Variants in CLUL1 observed in about 807,000 individuals in gnomAD.
CLUL1 encodes clusterin-like protein 1.
Under a neutral mutation model 49.4 loss-of-function variants are expected in CLUL1, and 43 were observed. The observed-to-expected ratio is 0.87, with a 90% confidence interval of 0.68 to 1.12. The LOEUF (loss-of-function observed/expected upper bound fraction) is 1.12, where lower values mean the gene tolerates loss of function less well. CLUL1 is among the 50% of genes most tolerant of loss of function. The pLI, the probability that CLUL1 is intolerant of heterozygous loss-of-function variation, is 0.00. For synonymous variants in CLUL1, 192 were observed against 184.9 expected, an observed-to-expected ratio of 1.04 and a Z score of -0.31; for missense variants, 486 against 544.4, an observed-to-expected ratio of 0.89 and a Z score of 1.07.
rs567619263 is a variant in CLUL1, at chr18:609,584, G to A, written c.-14+2485G>A. Among the ~76,000 whole-genome samples the A allele has an allele frequency of 1.8e-4, 27 of 152,180 alleles. No homozygotes were observed. The South Asian group carries it at 5.4e-3, about 30-fold the overall frequency. On this transcript the variant is annotated intron_variant, in intron 2 of 9. Coordinates refer to ENST00000692774, the MANE Select transcript of CLUL1 (RefSeq NM_001393344.1). The stretch of plus-strand genomic sequence containing the variant: ...CATGGCTGCAATCCCATCACTTTAG[G>A]AGGCCAAAGCAGGTGGGTCATTTGA...
intron 7 of CLUL1, among the ~76,000 whole-genome samples, chr18:637,001 T>C (rs904714911): frequency 6.6e-6 from 1 of 151,592 alleles, no homozygotes; most frequent in East Asian, 1.9e-4. Context: ...TTTTTGTTTT[T>C]TTTGAGACGG....
At chr18:597,748 C>T (rs1238949210) in intron 1 of CLUL1, 1 of 152,120 alleles carries the variant, frequency 6.6e-6, no homozygotes, top group African/African-American at 2.4e-5. Flanking sequence ...AAAAGAATCA[C>T]TCTGAAAACG....
At chr18:617,581 G>A (rs910045319) in intron 2 of CLUL1, among the ~76,000 whole-genome samples, 2 of 89,230 alleles carry the variant, frequency 2.2e-5, no homozygotes, top group African/African-American at 8.3e-5. Flanking sequence ...GGCAACAAGA[G>A]CAAAACTCCG....
intron 1 of CLUL1, among the ~76,000 whole-genome samples, chr18:598,929 A>G (rs1240548323): frequency 2.6e-5 from 4 of 152,188 alleles, no homozygotes; most frequent in Non-Finnish European, 4.4e-5. Flanking sequence ...AAATATGTCC[A>G]TTGTTGTCTG....
At chr18:630,407 C>A (rs1243777960) in intron 6 of CLUL1, among the ~76,000 whole-genome samples, 1 of 152,164 alleles carries the variant, frequency 6.6e-6, no homozygotes, top group East Asian at 1.9e-4. Flanking sequence ...TCATGCCCGG[C>A]CTCAACTGAT....
In CLUL1 at chr18:606,971, T is replaced by C. The variant is rs1598409635; in HGVS notation, c.-135-7T>C. On this transcript the variant is annotated splice_polypyrimidine_tract_variant and splice_region_variant and intron_variant, in intron 1 of 9. Coordinates refer to ENST00000692774, the MANE Select transcript of CLUL1 (RefSeq NM_001393344.1). The surrounding 1 kb of genome is among the most constrained non-coding windows in gnomAD (Gnocchi z 4.1). ...ATTTCTTTTCTTTTTTCTTTTCTTTTCTTTAGAGTTGCGTCCCTCTCGGTT... is the reference window on the plus strand; with the variant it reads ...ATTTCTTTTCTTTTTTCTTTTCTTTCCTTTAGAGTTGCGTCCCTCTCGGTT... 1.9e-5 allele frequency: 12 copies of C among 629,414 alleles called. No individual in the cohort carries two copies. The East Asian group carries it at 3.3e-4, about 17-fold the overall frequency. The allele number at this position is 629,414 out of a possible 1,614,324, so 39.0% of individuals were successfully genotyped here.
At chr18:630,542 G>A (rs997102990) in intron 6 of CLUL1, among the ~76,000 whole-genome samples, 12 of 152,108 alleles carry the variant, frequency 7.9e-5, no homozygotes, top group South Asian at 2.1e-4. Flanking sequence ...GACTTGGCTC[G>A]ACTTTGACGA....
At position 627,381 on chromosome 18, in the gene CLUL1, G is replaced by A. The variant is rs548196095; in HGVS notation, c.708G>A (p.Pro236=). Residue 236 remains proline, a synonymous_variant, in exon 6 of 10, where the codon CCG becomes CCA. Coordinates refer to ENST00000692774, the MANE Select transcript of CLUL1 (RefSeq NM_001393344.1). ...TTTTTCCAGCTTTCTCTAAAGAGCC[G>A]ATGACAAAAGCAGATCTTGAGCAAT... The part of the protein sequence containing the change: ...PYFFPAFSKE[P]MTKADLEQCW... 79 of 1,614,078 alleles carry A rather than the reference G, an allele frequency of 4.9e-5. No individual in the cohort carries two copies. The East Asian group carries it at 7.8e-4, about 16-fold the overall frequency.
intron 9 of CLUL1, 60 bp downstream of exon 9, chr18:645,157 G>A: frequency 3.0e-6 from 4 of 1,318,866 alleles, no homozygotes; most frequent in South Asian, 3.8e-5. Flanking sequence ...TCTCAAAAGG[G>A]AAAAACAAAA....
intron 2 of CLUL1, among the ~76,000 whole-genome samples, chr18:615,966 T>C (rs1328719819): frequency 6.6e-6 from 1 of 152,158 alleles, no homozygotes; most frequent in Non-Finnish European, 1.5e-5. Flanking sequence ...CAGTTCAGAA[T>C]TGTCAAGGTC....
chr18:621,914 T>C (rs764376159), intron 4 of CLUL1, among the ~76,000 whole-genome samples: 1 of 152,160 alleles, frequency 6.6e-6, no homozygotes, highest in Non-Finnish European at 1.5e-5. Flanking sequence ...GGATTTCACT[T>C]CTGGCCCTGA....
chr18:621,774 A>T (rs773873254), intron 4 of CLUL1, among the ~76,000 whole-genome samples: 6 of 152,242 alleles, frequency 3.9e-5, no homozygotes, highest in Non-Finnish European at 7.3e-5. Context: ...AGATAAAGTC[A>T]GCAGATGTGT....
chr18:621,782 T>G (rs371677440), intron 4 of CLUL1, among the ~76,000 whole-genome samples: 1 of 152,192 alleles, frequency 6.6e-6, no homozygotes, highest in East Asian at 1.9e-4. Context: ...TCAGCAGATG[T>G]GTGCACGGGG....
Position 633,378 on chromosome 18 carries a change from T to A in CLUL1, c.937T>A (p.Ser313Thr), listed in dbSNP as rs2144117206. 6.2e-7 allele frequency: 1 copy of A among 1,613,816 alleles called. No individual in the cohort carries two copies. Among genetic ancestry groups the A allele is most frequent in the East Asian group, 2.2e-5 (1 of 44,880 alleles). ...GTGTGGGGAACTTGACCAGAATTTG[T>A]CAAGATGTTTCAAATTTCATGAAAA... is the stretch of plus-strand genomic sequence containing the variant. ...GLCGELDQNL[S>T]RCFKFHEKCQ... The change falls in exon 7 of 10, where the codon TCA becomes ACA. Residue 313 changes from serine (S) to threonine (T), a missense_variant. Physicochemically the swap from Ser to Thr is moderately conservative, Grantham distance 58. Transcript: ENST00000692774.
intron 1 of CLUL1, among the ~76,000 whole-genome samples, chr18:603,668 A>T (rs565530151): frequency 9.2e-5 from 14 of 152,152 alleles, no homozygotes; most frequent in Non-Finnish European, 1.8e-4. Flanking sequence ...GTGTGTGTGT[A>T]TGCATATAGC....
rs1567966647 is a variant in CLUL1, at chr18:626,928, A to AG, written c.424-169_424-168insG. Among the ~76,000 whole-genome samples the AG allele has an allele frequency of 5.6e-3, 130 of 23,274 alleles. 45 individuals are homozygous for AG. Among genetic ancestry groups the AG allele is most frequent in the Middle Eastern group, 0.013 (1 of 76 alleles). The allele number at this position is 23,274 out of a possible 152,430, so 15.3% of individuals were successfully genotyped here. A position where few individuals can be genotyped will look rare whatever the true frequency, so the allele number is the denominator to read the frequency against. ...GAAAGAAAGAAAGAAAGAAAGAAAG[A>AG]AGGAAAGAAGGAAAGAAGGAAGGAA... On this transcript the variant is annotated intron_variant, in intron 5 of 9. Coordinates refer to ENST00000692774, the MANE Select transcript of CLUL1 (RefSeq NM_001393344.1).
In CLUL1 at chr18:631,870, A is replaced by G. The variant is rs534638636; in HGVS notation, c.857-1428A>G. Among the ~76,000 whole-genome samples, 213 of 152,276 alleles carry G rather than the reference A, an allele frequency of 1.4e-3. 1 individual carries two copies. The highest frequency in any genetic ancestry group is 4.8e-3 in the African/African-American group (200 of 41,560). ...GCAAACACTACATAAAGCAGGAATT[A>G]ATTCTACACTGGAAATTCTCACAGG... On this transcript the variant is annotated intron_variant, in intron 6 of 9. Transcript: ENST00000692774.
chr18:599,535 A>T (rs971653582), intron 1 of CLUL1, among the ~76,000 whole-genome samples: 1 of 152,190 alleles, frequency 6.6e-6, no homozygotes, highest in Non-Finnish European at 1.5e-5. Context: ...CTTTAGAAAT[A>T]ATTGATTTTC....
At chr18:627,664 G>C in intron 6 of CLUL1, 135 bp downstream of exon 6, 1 of 643,532 alleles carries the variant, frequency 1.6e-6, no homozygotes, top group Non-Finnish European at 2.6e-6. Context: ...AAATGTTTCA[G>C]AGCCTCTTAA....
Sources: allele counts gnomAD v4.1 joint callset (sites outside exome capture counted in the v4.1 genomes callset), GRCh38; gene constraint gnomAD v4.1.1; non-coding constraint Gnocchi (gnomAD v3.1); transcripts MANE v1.5; gene names NCBI Gene and HGNC (gene_info 2026-07-23, HGNC 2026-07-21).